The following ZNG1E variants were observed in gnomAD, a reference collection of about 807,000 sequenced individuals.
The protein encoded by ZNG1E is zinc-regulated GTPase metalloprotein activator 1E.
chr9:65,722,324 C>A, the ZNG1E span, among the ~76,000 whole-genome samples: 3 of 16,500 alleles, frequency 1.8e-4, no homozygotes, highest in African/African-American at 8.5e-4. Flanking sequence ...GTGAGAGTGA[C>A]CTTCCTGATT....
chr9:65,660,971 G>C, the ZNG1E span, among the ~76,000 whole-genome samples: 1 of 145,358 alleles, frequency 6.9e-6, no homozygotes, highest in Non-Finnish European at 1.5e-5. Flanking sequence ...GAATAGGTGG[G>C]GCCTTGGCAA....
At chr9:65,709,894 G>A in the ZNG1E span, among the ~76,000 whole-genome samples, 1 of 151,698 alleles carries the variant, frequency 6.6e-6, no homozygotes, top group Non-Finnish European at 1.5e-5. Flanking sequence ...GGGTCAAATG[G>A]TATTTCTAGT....
At chr9:65,674,284 TCTTAA>T in the ZNG1E span, among the ~76,000 whole-genome samples, 1 of 152,218 alleles carries the variant, frequency 6.6e-6, no homozygotes, top group Non-Finnish European at 1.5e-5. Flanking sequence ...AAACCCTCTG[TCTTAA>T]CTGTGTTCTG....
chr9:65,664,153 T>G, the ZNG1E span, among the ~76,000 whole-genome samples: 1 of 152,052 alleles, frequency 6.6e-6, no homozygotes, highest in Non-Finnish European at 1.5e-5. Flanking sequence ...AATACATATT[T>G]ACATATGTAA....
chr9:65,703,809 T>C, the ZNG1E span: 1 of 971,510 alleles, frequency 1.0e-6, no homozygotes, highest in Non-Finnish European at 1.2e-6. Context: ...CATTAAGTGT[T>C]AGGCAGTAAC....
the ZNG1E span, among the ~76,000 whole-genome samples, chr9:65,671,729 GAAA>G: frequency 7.4e-6 from 1 of 135,494 alleles, no homozygotes. Context: ...TTCAGGAGAA[GAAA>G]AAAAAAAACT....
the ZNG1E span, among the ~76,000 whole-genome samples, chr9:65,676,567 G>T: frequency 3.8e-3 from 564 of 149,430 alleles, 3 homozygotes; most frequent in Non-Finnish European, 6.4e-3. Context: ...TGGGGCTTTC[G>T]TCAGCAGATT....
chr9:65,716,337 C>T, the ZNG1E span, among the ~76,000 whole-genome samples: 1 of 148,678 alleles, frequency 6.7e-6, no homozygotes, highest in Non-Finnish European at 1.5e-5. Flanking sequence ...TTTTAATTTT[C>T]TGTAAGCATG....
the ZNG1E span, among the ~76,000 whole-genome samples, chr9:65,687,755 T>C: frequency 6.6e-6 from 1 of 150,406 alleles, no homozygotes; most frequent in East Asian, 2.0e-4. Flanking sequence ...AGTGTTACTG[T>C]AGAAAAGTCT....
At chr9:65,716,673 A>AC in the ZNG1E span, among the ~76,000 whole-genome samples, 1 of 151,170 alleles carries the variant, frequency 6.6e-6, no homozygotes, top group African/African-American at 2.4e-5. Flanking sequence ...GTAAAAAAAA[A>AC]AATAAAGAAA....
At chr9:65,656,009 A>G in the ZNG1E span, among the ~76,000 whole-genome samples, 3 of 137,908 alleles carry the variant, frequency 2.2e-5, no homozygotes, top group Admixed American at 7.6e-5. Context: ...TTTCCCTTAC[A>G]GTTGACAAGT....
At chr9:65,659,513 A>G in the ZNG1E span, among the ~76,000 whole-genome samples, 82 of 147,996 alleles carry the variant, frequency 5.5e-4, no homozygotes, top group African/African-American at 1.7e-3. Flanking sequence ...AAAAAAAAAA[A>G]AGAGAGAGAA....
At chr9:65,704,653 C>T in the ZNG1E span, 1 of 861,402 alleles carries the variant, frequency 1.2e-6, no homozygotes, top group South Asian at 5.5e-5. Flanking sequence ...TGGCTCATGC[C>T]TGTAATCCCA....
the ZNG1E span, among the ~76,000 whole-genome samples, chr9:65,712,243 C>CT: frequency 1.0e-5 from 1 of 97,556 alleles, no homozygotes; most frequent in African/African-American, 5.0e-5. Flanking sequence ...ATTCTTCTCT[C>CT]TTTTTTTCTT....
chr9:65,724,620 G>A, the ZNG1E span, among the ~76,000 whole-genome samples: 6 of 105,916 alleles, frequency 5.7e-5, no homozygotes, highest in Non-Finnish European at 1.1e-4. Flanking sequence ...ACTCCAGCCT[G>A]GGCAACAGAG....
At chr9:65,686,586 A>G in the ZNG1E span, among the ~76,000 whole-genome samples, 5 of 152,150 alleles carry the variant, frequency 3.3e-5, no homozygotes, top group Admixed American at 1.3e-4. Context: ...CAGTGAGCTG[A>G]GATTGCACAT....
the ZNG1E span, chr9:65,700,793 GCTTCCTATGTGAAGT>G: frequency 3.1e-5 from 4 of 127,062 alleles, no homozygotes; most frequent in Non-Finnish European, 6.6e-5. Flanking sequence ...GTCTCTCCCC[GCTTCCTATGTGAAGT>G]CTTCCCTGAC....
chr9:65,725,280 G>A, the ZNG1E span, among the ~76,000 whole-genome samples: 30 of 136,510 alleles, frequency 2.2e-4, no homozygotes, highest in African/African-American at 8.7e-4. Context: ...AACACTTAAC[G>A]TGAGACCTAC....
At chr9:65,712,312 G>C in the ZNG1E span, among the ~76,000 whole-genome samples, 2 of 60,286 alleles carry the variant, frequency 3.3e-5, no homozygotes, top group Admixed American at 3.6e-4. Context: ...CCAGCTCCTG[G>C]ATTCATTAAT....
Sources: gnomAD v4.1 joint callset for allele counts (sites outside exome capture counted in the v4.1 genomes callset) on GRCh38, gnomAD v4.1.1 for gene constraint, MANE v1.5 for transcripts, NCBI Gene and HGNC (gene_info 2026-07-23, HGNC 2026-07-21) for gene names.